Variants in GPC6 observed in about 807,000 individuals in gnomAD.
GPC6 encodes the protein glypican 6, also known as glypican-6.
GPC6 carries 14 observed loss-of-function variants against 55.2 expected under a neutral mutation model. That is an observed-to-expected ratio of 0.25 (90% CI 0.17 to 0.40). The LOEUF (loss-of-function observed/expected upper bound fraction) is 0.40. GPC6 is among the 10% of genes least tolerant of loss of function. GPC6 has a pLI of 1.00. For synonymous variants in GPC6, 278 were observed against 259.6 expected (o/e 1.07, Z -0.68); for missense variants, 641 against 708.5 (o/e 0.90, Z 1.08).
chr13:93,478,742 T>C (rs940201142), intron 1 of GPC6, among the ~76,000 whole-genome samples: 2 of 152,200 alleles, frequency 1.3e-5, no homozygotes, highest in African/African-American at 4.8e-5. Context: ...GGTCAGTCAG[T>C]ATATGATGTG....
intron 1 of GPC6, among the ~76,000 whole-genome samples, chr13:93,438,864 G>GA (rs960464388): frequency 6.6e-6 from 1 of 152,076 alleles, no homozygotes; most frequent in African/African-American, 2.4e-5. Context: ...ATGAAGAGAA[G>GA]ATTCAATTGA....
intron 3 of GPC6, among the ~76,000 whole-genome samples, chr13:93,930,140 T>G (rs1313618063): frequency 1.3e-5 from 2 of 152,154 alleles, no homozygotes; most frequent in Non-Finnish European, 2.9e-5. Flanking sequence ...TCCTAGGGAC[T>G]GGAGCATTGC....
chr13:93,335,219 A>G (rs1207777143), intron 1 of GPC6, among the ~76,000 whole-genome samples: 2 of 152,208 alleles, frequency 1.3e-5, no homozygotes, highest in African/African-American at 4.8e-5. Context: ...CCGTAAAAAT[A>G]CCTGTTACGT....
intron 3 of GPC6, among the ~76,000 whole-genome samples, chr13:93,844,201 C>T (rs530766562): frequency 3.3e-5 from 5 of 152,072 alleles, no homozygotes; most frequent in East Asian, 1.9e-4. Flanking sequence ...TGCAATGCCA[C>T]GATCTCAGCT....
chr13:93,509,572 G>A (rs1205094105), intron 1 of GPC6, among the ~76,000 whole-genome samples: 1 of 152,078 alleles, frequency 6.6e-6, no homozygotes, highest in Non-Finnish European at 1.5e-5. Flanking sequence ...AAGAGTATTT[G>A]CTTATTCATA....
At chr13:93,928,904 A>G (rs561675051) in intron 3 of GPC6, among the ~76,000 whole-genome samples, 2 of 123,798 alleles carry the variant, frequency 1.6e-5, no homozygotes, top group South Asian at 3.0e-4. Context: ...TCTATATAGT[A>G]GGTGTGTGTG....
At chr13:93,333,695 C>T (rs1879940397) in intron 1 of GPC6, among the ~76,000 whole-genome samples, 1 of 151,950 alleles carries the variant, frequency 6.6e-6, no homozygotes, top group African/African-American at 2.4e-5. Flanking sequence ...TGCCACCATT[C>T]CCAGTTACAT....
intron 2 of GPC6, among the ~76,000 whole-genome samples, chr13:93,688,411 A>G (rs1040838799): frequency 6.6e-6 from 1 of 152,072 alleles, no homozygotes; most frequent in African/African-American, 2.4e-5. Flanking sequence ...TGATCCAGCA[A>G]TTTTACTCCT....
intron 3 of GPC6, among the ~76,000 whole-genome samples, chr13:94,021,117 A>T (rs2138712065): frequency 6.6e-6 from 1 of 152,208 alleles, no homozygotes; most frequent in South Asian, 2.1e-4. Context: ...CCAAAAGGAC[A>T]TTTAGAATGT....
intron 4 of GPC6, among the ~76,000 whole-genome samples, chr13:94,251,824 C>T (rs780828666): frequency 2.6e-5 from 4 of 151,578 alleles, no homozygotes; most frequent in South Asian, 2.1e-4. Context: ...CATGGATGTA[C>T]GTTTATCATT....
In GPC6 at chr13:94,288,553, G is replaced by T. The variant is rs539372327; in HGVS notation, c.1008+2074G>T. On this transcript the variant is annotated intron_variant, in intron 5 of 8. Coordinates refer to ENST00000377047, the MANE Select transcript of GPC6 (RefSeq NM_005708.5). ...CTTCTAACCTTGTTTAATACCACTGGTCCTTTTGTTTACTTGTTCAGCAAC... is the reference window on the plus strand; with the variant it reads ...CTTCTAACCTTGTTTAATACCACTGTTCCTTTTGTTTACTTGTTCAGCAAC... 1.5e-4 allele frequency among the ~76,000 whole-genome samples: 22 copies of T among 145,370 alleles called. No homozygotes were observed. The South Asian group carries it at 4.9e-3, about 32-fold the overall frequency.
intron 2 of GPC6, among the ~76,000 whole-genome samples, chr13:93,697,269 T>G (rs1346670461): frequency 6.6e-6 from 1 of 152,154 alleles, no homozygotes; most frequent in Non-Finnish European, 1.5e-5. Context: ...GATGCACTGG[T>G]CATTGGATGC....
At chr13:93,511,143 T>G (rs1880954751) in intron 1 of GPC6, among the ~76,000 whole-genome samples, 1 of 149,858 alleles carries the variant, frequency 6.7e-6, no homozygotes. Flanking sequence ...TTCAACAGGT[T>G]GTCTCTTTAC....
intron 2 of GPC6, among the ~76,000 whole-genome samples, chr13:93,749,680 A>G (rs1264000532): frequency 6.6e-6 from 1 of 152,138 alleles, no homozygotes; most frequent in African/African-American, 2.4e-5. Flanking sequence ...ATTAAAAGCA[A>G]TAATAGTAAT....
At chr13:94,347,779 C>CA (rs943819259) in intron 6 of GPC6, among the ~76,000 whole-genome samples, 3 of 152,142 alleles carry the variant, frequency 2.0e-5, no homozygotes, top group South Asian at 2.1e-4. Context: ...TAAAGCTACA[C>CA]AAAAAACTGC....
chr13:93,438,857 A>T (rs191275340), intron 1 of GPC6, among the ~76,000 whole-genome samples: 307 of 152,248 alleles, frequency 2.0e-3, no homozygotes, highest in Non-Finnish European at 2.3e-3. Flanking sequence ...CTGTTTAATG[A>T]AGAGAAGATT....
chr13:94,321,869 T>C (rs1876845443), intron 6 of GPC6, among the ~76,000 whole-genome samples: 1 of 152,218 alleles, frequency 6.6e-6, no homozygotes, highest in Non-Finnish European at 1.5e-5. Flanking sequence ...TCCAGAACCC[T>C]TACTGTTGGG....
At chr13:93,548,177 A>G (rs539944535) in intron 2 of GPC6, among the ~76,000 whole-genome samples, 7 of 152,206 alleles carry the variant, frequency 4.6e-5, no homozygotes, top group Admixed American at 1.3e-4. Context: ...ATTTTGCATC[A>G]TTGCTGGAGT....
At position 94,252,469 on chromosome 13, in the gene GPC6, G is replaced by A. The variant is rs183173584; in HGVS notation, c.878-33880G>A. On this transcript the variant is annotated intron_variant, in intron 4 of 8. Transcript: ENST00000377047. ...GGGGATTTTTATTATGTGCCCCCATGCTGGTTAAGCCTTCACTAAAGCTAA... is the reference window on the plus strand; with the variant it reads ...GGGGATTTTTATTATGTGCCCCCATACTGGTTAAGCCTTCACTAAAGCTAA... Among the ~76,000 whole-genome samples, 201 of 152,152 alleles carry A rather than the reference G, an allele frequency of 1.3e-3. 2 individuals are homozygous for A. The highest frequency in any genetic ancestry group is 3.5e-3 in the South Asian group (17 of 4,832).
Sources: gnomAD v4.1 joint callset for allele counts (sites outside exome capture counted in the v4.1 genomes callset) on GRCh38, gnomAD v4.1.1 for gene constraint, MANE v1.5 for transcripts, NCBI Gene and HGNC (gene_info 2026-07-23, HGNC 2026-07-21) for gene names.